CCBE1: variants seen among roughly 807,000 people sequenced by gnomAD.
CCBE1 encodes the protein collagen and calcium binding EGF domains 1.
A neutral mutation model predicts 50.0 loss-of-function variants in CCBE1; 37 were observed. The observed-to-expected ratio is 0.74, with a 90% confidence interval of 0.57 to 0.97. The LOEUF (loss-of-function observed/expected upper bound fraction) is 0.97, where lower values mean the gene tolerates loss of function less well. Among genes scored for constraint, CCBE1 ranks in the 50% least tolerant of loss-of-function variants. The pLI, the probability that CCBE1 is intolerant of heterozygous loss-of-function variation, is 0.00. For synonymous variants in CCBE1, 234 were observed against 203.7 expected (o/e 1.15, Z -1.27); for missense variants, 538 against 523.8 (o/e 1.03, Z -0.26).
chr18:59,493,102 G>A (rs985926870), intron 2 of CCBE1, among the ~76,000 whole-genome samples: 4 of 152,122 alleles, frequency 2.6e-5, no homozygotes, highest in South Asian at 2.1e-4. Flanking sequence ...TCCAAGTTTC[G>A]TCTGCAGGTC....
At chr18:59,683,585 C>G (rs1297637800) in intron 2 of CCBE1, among the ~76,000 whole-genome samples, 1 of 152,002 alleles carries the variant, frequency 6.6e-6, no homozygotes, top group African/African-American at 2.4e-5. Context: ...GTAATCCCAG[C>G]TACTCAGGAG....
At chr18:59,661,232 T>A (rs945550822) in intron 2 of CCBE1, among the ~76,000 whole-genome samples, 2 of 88,400 alleles carry the variant, frequency 2.3e-5, no homozygotes, top group Non-Finnish European at 6.5e-5. Flanking sequence ...CAAAAGGAGT[T>A]TGGTAATTTG....
chr18:59,489,404 TTC>T (rs1568167341), intron 2 of CCBE1, among the ~76,000 whole-genome samples: 21 of 150,088 alleles, frequency 1.4e-4, no homozygotes, highest in Admixed American at 3.3e-4. Flanking sequence ...TTTCTTATTT[TTC>T]TTCTTTTTAT....
intron 2 of CCBE1, among the ~76,000 whole-genome samples, chr18:59,512,979 G>A (rs1914198484): frequency 3.3e-5 from 5 of 152,200 alleles, no homozygotes; most frequent in Admixed American, 2.0e-4. Flanking sequence ...TGGAGGATGT[G>A]TGGTTTTCTT....
intron 2 of CCBE1, among the ~76,000 whole-genome samples, chr18:59,649,704 T>A (rs1029338481): frequency 5.3e-5 from 8 of 152,200 alleles, no homozygotes; most frequent in African/African-American, 1.4e-4. Context: ...GCTGTTGGAC[T>A]GTAATAGTAA....
intron 2 of CCBE1, among the ~76,000 whole-genome samples, chr18:59,552,504 C>T (rs1394314786): frequency 6.6e-6 from 1 of 152,222 alleles, no homozygotes. Context: ...GTTTTGGCAG[C>T]ACCTGGAGCC....
At position 59,615,501 on chromosome 18, in the gene CCBE1, G is replaced by GAAA. The variant is rs11451658; in HGVS notation, c.212+81125_212+81127dup. ...AAGCCTGTCCTGACCAACTGTCGGAGAAAAAAAAAAAGACAGAAGAGATCT... is the reference window on the plus strand; with the variant it reads ...AAGCCTGTCCTGACCAACTGTCGGAGAAAAAAAAAAAAAAGACAGAAGAGATCT... On this transcript the variant is annotated intron_variant, in intron 2 of 10. Coordinates refer to ENST00000439986, the MANE Select transcript of CCBE1 (RefSeq NM_133459.4). Among the ~76,000 whole-genome samples the GAAA allele has an allele frequency of 1.5e-3, 225 of 147,800 alleles. 1 individual carries two copies. The highest frequency in any genetic ancestry group is 0.011 in the Middle Eastern group (3 of 280).
At chr18:59,667,488 A>T (rs548710760) in intron 2 of CCBE1, among the ~76,000 whole-genome samples, 2 of 152,326 alleles carry the variant, frequency 1.3e-5, no homozygotes, top group African/African-American at 4.8e-5. Flanking sequence ...CTGCTACCCC[A>T]TCACCTGAAG....
At chr18:59,576,387 T>C (rs902805297) in intron 2 of CCBE1, among the ~76,000 whole-genome samples, 3 of 152,356 alleles carry the variant, frequency 2.0e-5, no homozygotes, top group African/African-American at 7.2e-5. Context: ...TGGCTGTTTT[T>C]AAAGTAGCTC....
chr18:59,616,867 A>G (rs777008595), intron 2 of CCBE1, among the ~76,000 whole-genome samples: 27 of 152,258 alleles, frequency 1.8e-4, no homozygotes, highest in African/African-American at 3.9e-4. Flanking sequence ...CTGCAGACCA[A>G]CTGTGTCATG....
chr18:59,454,492 T>G, intron 6 of CCBE1, among the ~76,000 whole-genome samples: 1 of 152,182 alleles, frequency 6.6e-6, no homozygotes, highest in African/African-American at 2.4e-5. Flanking sequence ...GTGATCCACC[T>G]GCCTCAGCCT....
At chr18:59,490,630 C>T (rs150158449) in intron 2 of CCBE1, among the ~76,000 whole-genome samples, 358 of 152,268 alleles carry the variant, frequency 2.4e-3, no homozygotes, top group African/African-American at 8.3e-3. Context: ...CGATTCACTT[C>T]GCCAACCCAA....
rs138344675 is a variant in CCBE1, at chr18:59,681,522, C to T, written c.212+15107G>A. Among the ~76,000 whole-genome samples, 429 of 152,278 alleles carry T rather than the reference C, an allele frequency of 2.8e-3. 1 individual carries two copies. The highest frequency in any genetic ancestry group is 9.8e-3 in the African/African-American group (407 of 41,566). On this transcript the variant is annotated intron_variant, in intron 2 of 10. Transcript: ENST00000439986. ...TGGGTGCCGTGGGACTACAGCTCTC[C>T]ATGAAGCGAGGAAGCTGATACTTCA...
chr18:59,652,459 G>C (rs1487041282), intron 2 of CCBE1, among the ~76,000 whole-genome samples: 1 of 146,952 alleles, frequency 6.8e-6, no homozygotes, highest in Non-Finnish European at 1.5e-5. Context: ...ATCAGTAAAG[G>C]TAACACAAAC....
At chr18:59,543,834 CAAAAAAAAAAAAA>C (rs10678902) in intron 2 of CCBE1, among the ~76,000 whole-genome samples, 1 of 69,026 alleles carries the variant, frequency 1.4e-5, no homozygotes, top group Non-Finnish European at 2.4e-5. Context: ...GACTCCGTCT[CAAAAAAAAAAAAA>C]AAAAAAAAAA....
rs2054788620 is a variant in CCBE1, at chr18:59,695,150, G to A, written c.212+1479C>T. Among the ~76,000 whole-genome samples, 3 of 152,152 alleles carry A rather than the reference G, an allele frequency of 2.0e-5. No individual in the cohort carries two copies. In the South Asian group the frequency reaches 6.2e-4, roughly 32 times the overall value. On this transcript the variant is annotated intron_variant, in intron 2 of 10. Transcript: ENST00000439986. ...TGATTTATGTGAAGTCCGACCTTCA[G>A]GGACTGAAAAAATGAGCAAACCATC...
At chr18:59,488,498 G>A (rs1255806381) in intron 2 of CCBE1, among the ~76,000 whole-genome samples, 1 of 152,148 alleles carries the variant, frequency 6.6e-6, no homozygotes, top group Admixed American at 6.5e-5. Flanking sequence ...ATGTGGGAGA[G>A]TTATTAAATG....
intron 2 of CCBE1, among the ~76,000 whole-genome samples, chr18:59,617,257 C>T (rs1361176933): frequency 1.3e-5 from 2 of 152,294 alleles, no homozygotes; most frequent in East Asian, 1.9e-4. Flanking sequence ...TTCTTTTGCA[C>T]GTCCCATTAT....
chr18:59,485,303 C>A (rs1345863512), intron 2 of CCBE1, among the ~76,000 whole-genome samples: 1 of 152,032 alleles, frequency 6.6e-6, no homozygotes, highest in African/African-American at 2.4e-5. Flanking sequence ...ATACAGCCCT[C>A]CAGCCAGGAG....
Sources: allele counts gnomAD v4.1 joint callset (sites outside exome capture counted in the v4.1 genomes callset), GRCh38; gene constraint gnomAD v4.1.1; transcripts MANE v1.5; gene names NCBI Gene and HGNC (gene_info 2026-07-23, HGNC 2026-07-21).